MAP6D1: variants seen among roughly 807,000 people sequenced by gnomAD.
MAP6D1 encodes MAP6 domain-containing protein 1.
In MAP6D1, 13 loss-of-function variants were observed where a neutral mutation model predicts 17.4. That is an observed-to-expected ratio of 0.75 (90% CI 0.49 to 1.19). MAP6D1 has a LOEUF of 1.19. MAP6D1 is among the 50% of genes most tolerant of loss of function. The pLI, the probability that MAP6D1 is intolerant of heterozygous loss-of-function variation, is 0.00. For missense variants in MAP6D1, 313 were observed against 312.6 expected, an observed-to-expected ratio of 1.00 and a Z score of -0.01; for synonymous variants, 141 against 145.7, an observed-to-expected ratio of 0.97 and a Z score of 0.23.
rs1458131234 is a variant in MAP6D1, at chr3:183,816,572, A to T, written c.*784T>A. On this transcript the variant is annotated 3_prime_UTR_variant, in exon 3 of 3. Coordinates refer to ENST00000318631, the MANE Select transcript of MAP6D1 (RefSeq NM_024871.4). ...ATTTTAAGGTATTTCAGGGAATGAG[A>T]CAAATGCCACCTTCCCAAAAACAGT... 6.6e-6 allele frequency: 1 copy of T among 152,302 alleles called. No individual in the cohort carries two copies. The highest frequency in any genetic ancestry group is 1.5e-5 in the Non-Finnish European group (1 of 68,144). The allele number at this position is 152,302 out of a possible 1,614,324, so 9.4% of individuals were successfully genotyped here.
intron 1 of MAP6D1, among the ~76,000 whole-genome samples, chr3:183,824,832 A>G (rs888154288): frequency 6.6e-6 from 1 of 152,006 alleles, no homozygotes; most frequent in Non-Finnish European, 1.5e-5. Flanking sequence ...AGTTAAAGGG[A>G]GGCCGGTTCC....
chr3:183,825,015 A>G (rs1373811127), intron 1 of MAP6D1, 132 bp downstream of exon 1: 6 of 992,498 alleles, frequency 6.0e-6, no homozygotes, highest in Non-Finnish European at 7.9e-6. Flanking sequence ...GGCCGCCGGC[A>G]GCTCCGAGGT....
At chr3:183,825,054 C>T in intron 1 of MAP6D1, 93 bp downstream of exon 1, 2 of 1,229,944 alleles carry the variant, frequency 1.6e-6, no homozygotes, top group South Asian at 3.1e-5. Context: ...CAGGCGCCTC[C>T]GCTCTGCCGC....
At chr3:183,824,135 T>C (rs1577253107) in intron 1 of MAP6D1, among the ~76,000 whole-genome samples, 1 of 152,222 alleles carries the variant, frequency 6.6e-6, no homozygotes, top group East Asian at 1.9e-4. Context: ...AGGGGTTTGT[T>C]GTACAATGTC....
intron 2 of MAP6D1, 101 bp downstream of exon 2, chr3:183,817,893 G>A: frequency 2.2e-6 from 2 of 926,238 alleles, no homozygotes; most frequent in Non-Finnish European, 3.4e-6. Flanking sequence ...GCTGTCCCTG[G>A]TCATAATTGC....
At chr3:183,823,322 C>A (rs992271517) in intron 1 of MAP6D1, among the ~76,000 whole-genome samples, 1 of 151,532 alleles carries the variant, frequency 6.6e-6, no homozygotes, top group Non-Finnish European at 1.5e-5. Flanking sequence ...AGTCCCTCAT[C>A]CGGGCATGGT....
chr3:183,821,464 T>C (rs958694286), intron 1 of MAP6D1, among the ~76,000 whole-genome samples: 8 of 151,276 alleles, frequency 5.3e-5, no homozygotes, highest in Non-Finnish European at 8.8e-5. Flanking sequence ...CGACAGCTAG[T>C]ACCTTCACCG....
At chr3:183,821,952 C>A (rs1245656852) in intron 1 of MAP6D1, among the ~76,000 whole-genome samples, 1 of 151,966 alleles carries the variant, frequency 6.6e-6, no homozygotes, top group Non-Finnish European at 1.5e-5. Context: ...TGAGCCACTG[C>A]GACCGGCCTC....
chr3:183,817,529 A>C, intron 2 of MAP6D1, 93 bp from the exon 3 acceptor site: 2 of 1,096,988 alleles, frequency 1.8e-6, no homozygotes, highest in African/African-American at 1.6e-5. Context: ...ATCCCCTCCC[A>C]TCCTCTGCAT....
rs996517230 is a variant in MAP6D1, at chr3:183,816,206, G to A, written c.*1150C>T. On this transcript the variant is annotated 3_prime_UTR_variant, in exon 3 of 3. Coordinates refer to ENST00000318631, the MANE Select transcript of MAP6D1 (RefSeq NM_024871.4). Reference sequence around the variant, plus strand: ...GCTGGAACCACTGTCCCACCTGCACGTCTGGTGGCTCTGAGACCCGAGTGC... The same window carrying A: ...GCTGGAACCACTGTCCCACCTGCACATCTGGTGGCTCTGAGACCCGAGTGC... 3 of 152,224 alleles carry A rather than the reference G, an allele frequency of 2.0e-5. No individual in the cohort carries two copies. Among genetic ancestry groups the A allele is most frequent in the Admixed American group, 6.5e-5 (1 of 15,280 alleles). 9.4% of individuals were successfully genotyped at this position (152,224 alleles called of 1,614,324 possible).
intron 1 of MAP6D1, among the ~76,000 whole-genome samples, chr3:183,824,946 C>T (rs988379054): frequency 6.6e-6 from 1 of 152,362 alleles, no homozygotes; most frequent in East Asian, 1.9e-4. Context: ...TGAGTCCGGG[C>T]ATGGAGCAGC....
chr3:183,824,102 C>G (rs990082570), intron 1 of MAP6D1, among the ~76,000 whole-genome samples: 1 of 152,212 alleles, frequency 6.6e-6, no homozygotes, highest in Non-Finnish European at 1.5e-5. Context: ...TATAATTAAC[C>G]AGTTCCCTAC....
In MAP6D1 at chr3:183,816,122, A is replaced by AG. The variant is rs1215073610; in HGVS notation, c.*1233dup. ...CAAGAGCATTTCCTTTGCTGGCATG[A>AG]GGGGAGGGCTGTGCCTGCCAGGGCT... On this transcript the variant is annotated 3_prime_UTR_variant, in exon 3 of 3. Coordinates refer to ENST00000318631, the MANE Select transcript of MAP6D1 (RefSeq NM_024871.4). 6.6e-6 allele frequency: 1 copy of AG among 152,116 alleles called. No individual in the cohort carries two copies. Among genetic ancestry groups the AG allele is most frequent in the East Asian group, 1.9e-4 (1 of 5,182 alleles). The allele number at this position is 152,116 out of a possible 1,614,324, so 9.4% of individuals were successfully genotyped here. A position where few individuals can be genotyped will look rare whatever the true frequency, so the allele number is the denominator to read the frequency against.
rs1384467464 is a variant in MAP6D1 at position 183,817,344 on chromosome 3, C to T, written c.*12G>A. On this transcript the variant is annotated 3_prime_UTR_variant, in exon 3 of 3. Transcript: ENST00000318631. ...TGTCCTGTCGGCAGCCATGGTGTCA[C>T]GGTGCAGGCAGTCACACGTTGAGAA... 5.1e-6 allele frequency: 8 copies of T among 1,560,086 alleles called. No homozygotes were observed. The highest frequency in any genetic ancestry group is 2.4e-5 in the East Asian group (1 of 42,196).
At chr3:183,824,636 G>C (rs887300084) in intron 1 of MAP6D1, among the ~76,000 whole-genome samples, 4 of 152,258 alleles carry the variant, frequency 2.6e-5, no homozygotes, top group African/African-American at 9.6e-5. Context: ...TGGGCTGGGA[G>C]GTGGGGAGGG....
intron 1 of MAP6D1, 110 bp from the exon 2 acceptor site, chr3:183,818,221 C>A: frequency 4.5e-6 from 4 of 881,070 alleles, no homozygotes; most frequent in Non-Finnish European, 7.5e-6. Flanking sequence ...TGCTGAAACC[C>A]TCGGCTCCAG....
intron 1 of MAP6D1, among the ~76,000 whole-genome samples, chr3:183,819,268 C>T (rs1243393724): frequency 6.6e-6 from 1 of 152,254 alleles, no homozygotes; most frequent in Non-Finnish European, 1.5e-5. Flanking sequence ...AGGCCGGGGC[C>T]CCGTCAGGTA....
At chr3:183,825,109 A>T in intron 1 of MAP6D1, 38 bp downstream of exon 1, 1 of 1,340,486 alleles carries the variant, frequency 7.5e-7, no homozygotes, top group African/African-American at 1.5e-5. Context: ...CTCCCACCAC[A>T]GGGTGGGGAC....
In MAP6D1 at chr3:183,817,339, T is replaced by C. The variant is rs767065535; in HGVS notation, c.*17A>G. Reference sequence around the variant, plus strand: ...AGCCCTGTCCTGTCGGCAGCCATGGTGTCACGGTGCAGGCAGTCACACGTT... The same window carrying C: ...AGCCCTGTCCTGTCGGCAGCCATGGCGTCACGGTGCAGGCAGTCACACGTT... On this transcript the variant is annotated 3_prime_UTR_variant, in exon 3 of 3. Coordinates refer to ENST00000318631, the MANE Select transcript of MAP6D1 (RefSeq NM_024871.4). 17 of 1,557,732 alleles carry C rather than the reference T, an allele frequency of 1.1e-5. No individual in the cohort carries two copies. The South Asian group carries it at 2.0e-4, about 18-fold the overall frequency.
Sources: gnomAD v4.1 joint callset for allele counts (sites outside exome capture counted in the v4.1 genomes callset) on GRCh38, gnomAD v4.1.1 for gene constraint, MANE v1.5 for transcripts, NCBI Gene and HGNC (gene_info 2026-07-23, HGNC 2026-07-21) for gene names.